The following GNRHR variants were observed in gnomAD, a reference collection of about 807,000 sequenced individuals.
The protein encoded by GNRHR is gonadotropin releasing hormone receptor.
Under a neutral mutation model 28.1 loss-of-function variants are expected in GNRHR, and 14 were observed. That is an observed-to-expected ratio of 0.50 (90% CI 0.33 to 0.78). The LOEUF (loss-of-function observed/expected upper bound fraction) is 0.78, where lower values mean the gene tolerates loss of function less well. Among genes scored for constraint, GNRHR ranks in the 30% least tolerant of loss-of-function variants. The pLI is 0.02. For missense variants in GNRHR, 366 were observed against 382.1 expected (o/e 0.96, Z 0.35); for synonymous variants, 141 against 140.5 (o/e 1.00, Z -0.02).
Position 67,754,311 on chromosome 4 carries a change from G to A in GNRHR, c.25C>T (p.Gln9Ter). 6.2e-7 allele frequency: 1 copy of A among 1,611,628 alleles called. No individual in the cohort carries two copies. Among genetic ancestry groups the A allele is most frequent in the Non-Finnish European group, 8.5e-7 (1 of 1,179,770 alleles). Residue 9 changes from glutamine (Q) to a stop codon, truncating the protein, a stop_gained, in exon 1 of 3, where the codon CAG becomes TAG. Coordinates refer to ENST00000226413, the MANE Select transcript of GNRHR (RefSeq NM_000406.3). LOFTEE classifies it high-confidence loss of function. Reference sequence around the variant, plus strand: ...ATGGCTGAACAGTGATTTTGATTCTGTTCAGGAGAGGCACTGTTTGCCATA... The same window carrying A: ...ATGGCTGAACAGTGATTTTGATTCTATTCAGGAGAGGCACTGTTTGCCATA... MANSASPE[Q>*]NQNHCSAINN...
intron 2 of GNRHR, among the ~76,000 whole-genome samples, chr4:67,742,119 C>A (rs1731671864): frequency 6.6e-6 from 1 of 152,182 alleles, no homozygotes; most frequent in African/African-American, 2.4e-5. Flanking sequence ...GTCAGGAAGT[C>A]TTTGCCTAAG....
rs976026245 is a variant in GNRHR at position 67,737,680 on chromosome 4, T to C, written c.*2800A>G. 2.0e-5 allele frequency among the ~76,000 whole-genome samples: 3 copies of C among 151,976 alleles called. No individual in the cohort carries two copies. The highest frequency in any genetic ancestry group is 6.6e-5 in the Admixed American group (1 of 15,238). On this transcript the variant is annotated 3_prime_UTR_variant, in exon 3 of 3. Coordinates refer to ENST00000226413, the MANE Select transcript of GNRHR (RefSeq NM_000406.3). ...ATATTTCTGTTGAATAGGCTTAAATTGAACTAATGTAGGCTTTGTTTAATT... is the reference window on the plus strand; with the variant it reads ...ATATTTCTGTTGAATAGGCTTAAATCGAACTAATGTAGGCTTTGTTTAATT...
At chr4:67,752,425 A>G (rs879654494) in intron 1 of GNRHR, among the ~76,000 whole-genome samples, 4 of 151,622 alleles carry the variant, frequency 2.6e-5, no homozygotes, top group Non-Finnish European at 4.4e-5. Context: ...GCCTCCCTAT[A>G]TTGCCCAGTC....
Position 67,738,448 on chromosome 4 carries a change from TAA to T in GNRHR, c.*2030_*2031del, listed in dbSNP as rs766610755. Among the ~76,000 whole-genome samples, 1 of 143,816 alleles carries T rather than the reference TAA, an allele frequency of 7.0e-6. No homozygotes were observed. 94.3% of individuals were successfully genotyped at this position (143,816 alleles called of 152,430 possible). A position where few individuals can be genotyped will look rare whatever the true frequency, so the allele number is the denominator to read the frequency against. On this transcript the variant is annotated 3_prime_UTR_variant, in exon 3 of 3. Transcript: ENST00000226413. ...TTCGAATAGCCCTTTAGTTAATGTG[TAA>T]AAAAAAAAAATGCCTGAGGCAATTC... is the stretch of plus-strand genomic sequence containing the variant.
chr4:67,753,610 T>C, intron 1 of GNRHR: 3 of 594,844 alleles, frequency 5.0e-6, no homozygotes, highest in Non-Finnish European at 8.9e-6. Flanking sequence ...TGTTACATTT[T>C]ATCGGTAAAG....
intron 2 of GNRHR, among the ~76,000 whole-genome samples, chr4:67,741,422 T>C (rs1028312113): frequency 2.0e-5 from 3 of 152,348 alleles, no homozygotes; most frequent in African/African-American, 7.2e-5. Flanking sequence ...AGTACATATA[T>C]ACCACATTTT....
At chr4:67,752,733 T>C (rs6828922) in intron 1 of GNRHR, among the ~76,000 whole-genome samples, 117,108 of 152,094 alleles carry the variant, frequency 0.77, 49,108 homozygotes, top group East Asian at 0.99. Context: ...AAGTGAGAAA[T>C]TGATGGGATA....
chr4:67,752,605 T>C (rs1234395423), intron 1 of GNRHR, among the ~76,000 whole-genome samples: 2 of 152,216 alleles, frequency 1.3e-5, no homozygotes, highest in Non-Finnish European at 2.9e-5. Context: ...GCTAAACTTA[T>C]TCTTATGTAT....
intron 2 of GNRHR, among the ~76,000 whole-genome samples, chr4:67,741,715 A>AT (rs996661090): frequency 7.2e-5 from 11 of 152,050 alleles, no homozygotes; most frequent in Non-Finnish European, 1.6e-4. Flanking sequence ...AACATCTATT[A>AT]TTTTTTGATT....
At chr4:67,747,032 C>A (rs909775575) in intron 1 of GNRHR, among the ~76,000 whole-genome samples, 1 of 152,076 alleles carries the variant, frequency 6.6e-6, no homozygotes, top group Non-Finnish European at 1.5e-5. Flanking sequence ...TGCAACCTGA[C>A]CTTATTTAAA....
intron 1 of GNRHR, among the ~76,000 whole-genome samples, chr4:67,750,217 T>C (rs1326372625): frequency 1.3e-5 from 2 of 152,126 alleles, no homozygotes; most frequent in African/African-American, 4.8e-5. Flanking sequence ...CATGCCACTT[T>C]TACTATCCCA....
chr4:67,742,505 G>A (rs1262291969), intron 2 of GNRHR, among the ~76,000 whole-genome samples: 1 of 152,050 alleles, frequency 6.6e-6, no homozygotes, highest in Non-Finnish European at 1.5e-5. Flanking sequence ...TATTAATACA[G>A]CCATTAAAGT....
At position 67,754,360 on chromosome 4, in the gene GNRHR, C is replaced by A; in HGVS notation, c.-25G>T. 1 of 1,587,860 alleles carries A rather than the reference C, an allele frequency of 6.3e-7. No homozygotes were observed. On this transcript the variant is annotated 5_prime_UTR_variant, in exon 1 of 3. Transcript: ENST00000226413. ...TATTTTCCCAGGACAGAGCTTCAAGCCTTGTGTCTCTGGTGCATCTGATAT... is the reference window on the plus strand; with the variant it reads ...TATTTTCCCAGGACAGAGCTTCAAGACTTGTGTCTCTGGTGCATCTGATAT...
At position 67,739,531 on chromosome 4, in the gene GNRHR, A is replaced by G. The variant is rs1462877114; in HGVS notation, c.*949T>C. 2 of 152,028 alleles carry G rather than the reference A, an allele frequency of 1.3e-5. No homozygotes were observed. Among genetic ancestry groups the G allele is most frequent in the Non-Finnish European group, 2.9e-5 (2 of 67,924 alleles). The allele number at this position is 152,028 out of a possible 1,614,324, so 9.4% of individuals were successfully genotyped here. A position where few individuals can be genotyped will look rare whatever the true frequency, so the allele number is the denominator to read the frequency against. The stretch of plus-strand genomic sequence containing the variant: ...TTTCTCTCCAGAGTTCCTTTTGTGT[A>G]TCAAGCATCTTTTTGCTTGTGCATT... On this transcript the variant is annotated 3_prime_UTR_variant, in exon 3 of 3. Coordinates refer to ENST00000226413, the MANE Select transcript of GNRHR (RefSeq NM_000406.3).
In GNRHR at chr4:67,753,916, G is replaced by T; in HGVS notation, c.420C>A (p.Ser140=). The stretch of plus-strand genomic sequence containing the variant: ...AAGCTAGGGGCCTCGTGATAGCCAG[G>T]GAGCGGTCCAGGCTGATCACCACCA... The part of the protein sequence containing the change: ...FMMVVISLDR[S]LAITRPLALK... Residue 140 remains serine, a synonymous_variant, in exon 1 of 3, where the codon TCC becomes TCA. Coordinates refer to ENST00000226413, the MANE Select transcript of GNRHR (RefSeq NM_000406.3). 6.2e-7 allele frequency: 1 copy of T among 1,613,930 alleles called. No homozygotes were observed. The highest frequency in any genetic ancestry group is 1.1e-5 in the South Asian group (1 of 91,066).
chr4:67,753,063 A>G (rs1731900696), intron 1 of GNRHR, among the ~76,000 whole-genome samples: 1 of 152,210 alleles, frequency 6.6e-6, no homozygotes, highest in Non-Finnish European at 1.5e-5. Flanking sequence ...TCAGCAGGTC[A>G]GTTAACTAGG....
At position 67,753,913 on chromosome 4, in the gene GNRHR, C is replaced by G; in HGVS notation, c.423G>C (p.Leu141=). 6.2e-7 allele frequency: 1 copy of G among 1,613,966 alleles called. No homozygotes were observed. Among genetic ancestry groups the G allele is most frequent in the African/African-American group, 1.3e-5 (1 of 75,012 alleles). ...MMVVISLDRS[L]AITRPLALKS... ...TCAAAGCTAGGGGCCTCGTGATAGC[C>G]AGGGAGCGGTCCAGGCTGATCACCA... Residue 141 remains leucine (L), a synonymous_variant, in exon 1 of 3, where the codon CTG becomes CTC. Transcript: ENST00000226413.
rs141424887 is a variant in GNRHR at position 67,753,955 on chromosome 4, G to T, written c.381C>A (p.Ala127=). The T allele has an allele frequency of 5.6e-6, 9 of 1,613,900 alleles. No homozygotes were observed. In the African/African-American group the frequency reaches 1.2e-4, roughly 22 times the overall value. Reference sequence around the variant, plus strand: ...TGATCACCACCATCATGAAGGCTGGGGCATACATGGAGAAAAGCTTTAGAT... The same window carrying T: ...TGATCACCACCATCATGAAGGCTGGTGCATACATGGAGAAAAGCTTTAGAT... ...LSYLKLFSMY[A]PAFMMVVISL... Residue 127 remains alanine (A), a synonymous_variant, in exon 1 of 3, where the codon GCC becomes GCA. Transcript: ENST00000226413.
At chr4:67,746,909 T>G (rs952167877) in intron 1 of GNRHR, among the ~76,000 whole-genome samples, 1 of 152,044 alleles carries the variant, frequency 6.6e-6, no homozygotes, top group African/African-American at 2.4e-5. Context: ...TCTAATAATT[T>G]TACTATCACT....
Sources: allele counts gnomAD v4.1 joint callset (sites outside exome capture counted in the v4.1 genomes callset), GRCh38; gene constraint gnomAD v4.1.1; transcripts MANE v1.5; gene names NCBI Gene and HGNC (gene_info 2026-07-23, HGNC 2026-07-21).